NOX4: variants seen among roughly 807,000 people sequenced by gnomAD.
NOX4 encodes the protein kidney oxidase-1.
In NOX4, 69 loss-of-function variants were observed where a neutral mutation model predicts 87.6. That is an observed-to-expected ratio of 0.79 (90% CI 0.65 to 0.96). The LOEUF is 0.96. Among genes scored for constraint, NOX4 ranks in the 40% least tolerant of loss-of-function variants. The pLI is 0.00. For missense variants in NOX4, 680 were observed against 681.5 expected, an observed-to-expected ratio of 1.00 and a Z score of 0.02; for synonymous variants, 275 against 238.2, an observed-to-expected ratio of 1.15 and a Z score of -1.42.
At chr11:89,363,439 A>G (rs1250007921) in intron 12 of NOX4, among the ~76,000 whole-genome samples, 1 of 152,120 alleles carries the variant, frequency 6.6e-6, no homozygotes, top group Non-Finnish European at 1.5e-5. Context: ...CTGTGAACAA[A>G]ACAAATTATT....
At chr11:89,432,155 A>T (rs1040590386) in intron 7 of NOX4, among the ~76,000 whole-genome samples, 1 of 152,032 alleles carries the variant, frequency 6.6e-6, no homozygotes, top group African/African-American at 2.4e-5. Flanking sequence ...GAACAATGAG[A>T]ACACTTGGAC....
intron 2 of NOX4, among the ~76,000 whole-genome samples, chr11:89,489,352 C>G (rs1168508856): frequency 1.3e-5 from 2 of 152,090 alleles, no homozygotes; most frequent in Non-Finnish European, 2.9e-5. Context: ...TCTGCACCCC[C>G]CCACTCACCA....
At chr11:89,368,555 G>A (rs957982190) in intron 12 of NOX4, among the ~76,000 whole-genome samples, 2 of 152,056 alleles carry the variant, frequency 1.3e-5, no homozygotes, top group African/African-American at 2.4e-5. Flanking sequence ...ACACATGGTA[G>A]AAGAGCAGAA....
At chr11:89,428,357 C>A (rs1276584024) in intron 7 of NOX4, among the ~76,000 whole-genome samples, 2 of 152,134 alleles carry the variant, frequency 1.3e-5, no homozygotes, top group African/African-American at 4.8e-5. Context: ...GGATCAAATT[C>A]ACACATAACA....
intron 2 of NOX4, among the ~76,000 whole-genome samples, chr11:89,467,029 C>T (rs16913315): frequency 0.056 from 8,577 of 151,890 alleles, 735 homozygotes; most frequent in African/African-American, 0.19. Context: ...GGGGGGAGCT[C>T]GCTGGACTTT....
intron 8 of NOX4, among the ~76,000 whole-genome samples, chr11:89,403,205 G>C (rs549276690): frequency 1.3e-5 from 2 of 152,212 alleles, no homozygotes; most frequent in East Asian, 3.9e-4. Context: ...CTTATTTTGT[G>C]AGAAACCAAG....
At chr11:89,386,085 A>G (rs1940680547) in intron 11 of NOX4, among the ~76,000 whole-genome samples, 1 of 152,098 alleles carries the variant, frequency 6.6e-6, no homozygotes, top group African/African-American at 2.4e-5. Context: ...TCAGCCTCCA[A>G]CTTAAAAAGG....
chr11:89,491,207 C>A lies in NOX4; in HGVS notation c.40G>T (p.Val14Phe), dbSNP rs1373872524. Reference protein sequence around the residue: ...SWRSWLANEGVKHLCLFIWLS... With the variant: ...SWRSWLANEGFKHLCLFIWLS... ...CATCCTACCAGGCAGAGGTGTTTAA[C>A]CCCTTCGTTGGCGAGCCAGCTCCTC... is the stretch of plus-strand genomic sequence containing the variant. The change falls in exon 1 of 18, where the codon GTT (valine) becomes TTT (phenylalanine). Residue 14 changes from valine (V) to phenylalanine (F), a missense_variant. Coordinates refer to ENST00000263317, the MANE Select transcript of NOX4 (RefSeq NM_016931.5). The A allele has an allele frequency of 6.2e-7, 1 of 1,613,902 alleles. No homozygotes were observed. The highest frequency in any genetic ancestry group is 8.5e-7 in the Non-Finnish European group (1 of 1,179,902).
intron 7 of NOX4, among the ~76,000 whole-genome samples, chr11:89,432,496 T>C (rs1462020958): frequency 1.3e-5 from 2 of 152,128 alleles, no homozygotes; most frequent in African/African-American, 2.4e-5. Context: ...CCGTGTCCCA[T>C]AGAGATACAC....
At chr11:89,371,134 C>T (rs1057324491) in intron 12 of NOX4, among the ~76,000 whole-genome samples, 17 of 151,940 alleles carry the variant, frequency 1.1e-4, no homozygotes, top group African/African-American at 4.1e-4. Context: ...AGGTAATGCT[C>T]CTACTTTTCC....
At chr11:89,336,151 A>G in intron 16 of NOX4, 2 of 376,420 alleles carry the variant, frequency 5.3e-6, no homozygotes, top group South Asian at 8.4e-5. Flanking sequence ...CTTGAATTCC[A>G]TTTGTTTGTT....
chr11:89,352,391 A>C (rs928447898), intron 13 of NOX4, among the ~76,000 whole-genome samples: 2 of 152,214 alleles, frequency 1.3e-5, no homozygotes, highest in Non-Finnish European at 2.9e-5. Flanking sequence ...CAATCCATGG[A>C]TCAAAGAGAA....
the NOX4 span, chr11:89,589,526 G>C: frequency 4.9e-4 from 74 of 152,356 alleles, no homozygotes; most frequent in African/African-American, 1.6e-3. Flanking sequence ...ATGTAAAGGA[G>C]TAACAACACA....
intron 8 of NOX4, among the ~76,000 whole-genome samples, chr11:89,419,616 A>T (rs1229011737): frequency 6.6e-6 from 1 of 151,456 alleles, no homozygotes; most frequent in East Asian, 1.9e-4. Flanking sequence ...ATAAATACAT[A>T]TTAATTTAGT....
intron 12 of NOX4, among the ~76,000 whole-genome samples, chr11:89,367,163 A>G (rs577332473): frequency 6.6e-6 from 1 of 152,256 alleles, no homozygotes; most frequent in South Asian, 2.1e-4. Flanking sequence ...CCAGAACTAC[A>G]GTGTTTCATT....
chr11:89,395,323 A>G (rs910979859), intron 11 of NOX4, among the ~76,000 whole-genome samples: 5 of 152,046 alleles, frequency 3.3e-5, no homozygotes, highest in African/African-American at 1.2e-4. Context: ...GTCTGTTCAT[A>G]TTCTTTGCCC....
At chr11:89,442,859 G>A (rs1292253450) in intron 5 of NOX4, among the ~76,000 whole-genome samples, 2 of 152,112 alleles carry the variant, frequency 1.3e-5, no homozygotes, top group Non-Finnish European at 2.9e-5. Context: ...CATGAATTCT[G>A]AAAAGAGAAG....
chr11:89,459,168 G>A (rs775559121), intron 2 of NOX4, among the ~76,000 whole-genome samples: 1 of 152,010 alleles, frequency 6.6e-6, no homozygotes, highest in African/African-American at 2.4e-5. Context: ...AAATATGAAT[G>A]GCCTGGAGAT....
chr11:89,376,995 T>G (rs1199985681), intron 11 of NOX4, among the ~76,000 whole-genome samples: 1 of 152,144 alleles, frequency 6.6e-6, no homozygotes, highest in African/African-American at 2.4e-5. Flanking sequence ...GCGGCAGAGG[T>G]TGCAGTGAGC....
Sources: gnomAD v4.1 joint callset for allele counts (sites outside exome capture counted in the v4.1 genomes callset) on GRCh38, gnomAD v4.1.1 for gene constraint, MANE v1.5 for transcripts, NCBI Gene and HGNC (gene_info 2026-07-23, HGNC 2026-07-21) for gene names.